CNTNAP5: variants seen among roughly 807,000 people sequenced by gnomAD.
CNTNAP5 encodes contactin-associated protein-like 5.
A neutral mutation model predicts 150.2 loss-of-function variants in CNTNAP5; 72 were observed. The observed-to-expected ratio is 0.48, with a 90% confidence interval of 0.40 to 0.58. The LOEUF (loss-of-function observed/expected upper bound fraction) is 0.58, where lower values mean the gene tolerates loss of function less well. Ranked by LOEUF, CNTNAP5 falls within the 20% of genes least tolerant of loss-of-function variation. CNTNAP5 has a pLI of 0.00. For synonymous variants in CNTNAP5, 672 were observed against 619.8 expected (o/e 1.08, Z -1.25); for missense variants, 1,636 against 1,626.2 (o/e 1.01, Z -0.10).
intron 16 of CNTNAP5, among the ~76,000 whole-genome samples, chr2:124,771,969 G>A (rs139403628): frequency 3.6e-5 from 5 of 138,518 alleles, no homozygotes; most frequent in East Asian, 2.2e-4. Flanking sequence ...CCATTGCCAC[G>A]ACCACCACCA....
At chr2:124,296,916 G>A (rs1688446409) in intron 3 of CNTNAP5, among the ~76,000 whole-genome samples, 1 of 152,170 alleles carries the variant, frequency 6.6e-6, no homozygotes. Context: ...CAGCCGTTCT[G>A]CAATCCTGTT....
Position 124,475,106 on chromosome 2 carries a change from A to AT in CNTNAP5, c.1062+236dup, listed in dbSNP as rs59623436. Among the ~76,000 whole-genome samples the AT allele has an allele frequency of 3.1e-3, 452 of 145,838 alleles. 4 individuals are homozygous for AT. Among genetic ancestry groups the AT allele is most frequent in the South Asian group, 7.6e-3 (35 of 4,620 alleles). ...GACATTAGGGCCATCCAGAGAATTC[A>AT]TTTTTTTTTTTTGACTGTGGGTCAT... On this transcript the variant is annotated intron_variant, in intron 7 of 23. Coordinates refer to ENST00000682447, the MANE Select transcript of CNTNAP5 (RefSeq NM_001367498.1).
At chr2:124,566,192 A>G (rs1318759066) in intron 11 of CNTNAP5, among the ~76,000 whole-genome samples, 1 of 152,188 alleles carries the variant, frequency 6.6e-6, no homozygotes, top group Non-Finnish European at 1.5e-5. Flanking sequence ...AAGAAGTCAG[A>G]GACAACTGAA....
At chr2:124,194,937 T>C (rs1487123503) in intron 1 of CNTNAP5, among the ~76,000 whole-genome samples, 2 of 151,870 alleles carry the variant, frequency 1.3e-5, no homozygotes, top group Non-Finnish European at 2.9e-5. Context: ...CAGTAAGTAA[T>C]TGCTGTTATA....
intron 1 of CNTNAP5, among the ~76,000 whole-genome samples, chr2:124,089,273 ATT>A (rs5834036): frequency 3.4e-5 from 5 of 147,436 alleles, no homozygotes; most frequent in Admixed American, 6.8e-5. Context: ...GACCCCACCT[ATT>A]TTTTTTTTTT....
intron 1 of CNTNAP5, among the ~76,000 whole-genome samples, chr2:124,098,453 G>A (rs558097798): frequency 1.3e-5 from 2 of 152,212 alleles, no homozygotes; most frequent in East Asian, 1.9e-4. Flanking sequence ...AGTGCGGGTG[G>A]AAGGATCAAC....
chr2:124,221,371 G>T (rs1271533153), intron 1 of CNTNAP5, among the ~76,000 whole-genome samples: 1 of 152,118 alleles, frequency 6.6e-6, no homozygotes, highest in Non-Finnish European at 1.5e-5. Flanking sequence ...GTTTGCTCAA[G>T]TGGCTTATTG....
At chr2:124,369,076 G>A (rs1490511700) in intron 3 of CNTNAP5, among the ~76,000 whole-genome samples, 1 of 152,274 alleles carries the variant, frequency 6.6e-6, no homozygotes, top group East Asian at 1.9e-4. Flanking sequence ...AGAGACAAGA[G>A]AAATGGGGTT....
chr2:124,389,942 G>A (rs1017452237), intron 3 of CNTNAP5, among the ~76,000 whole-genome samples: 4 of 151,636 alleles, frequency 2.6e-5, no homozygotes, highest in African/African-American at 9.7e-5. Context: ...ATCCAGCCTG[G>A]GCAACAGGAG....
chr2:124,109,708 C>T (rs1412189479), intron 1 of CNTNAP5, among the ~76,000 whole-genome samples: 1 of 150,886 alleles, frequency 6.6e-6, no homozygotes, highest in Non-Finnish European at 1.5e-5. Flanking sequence ...AGGGCTGACC[C>T]CCATGCACCT....
chr2:124,425,079 A>G (rs1431118639), intron 4 of CNTNAP5, among the ~76,000 whole-genome samples: 2 of 152,154 alleles, frequency 1.3e-5, no homozygotes, highest in African/African-American at 4.8e-5. Context: ...TTTCCACAAA[A>G]ATGCCAAGGC....
chr2:124,251,618 G>A lies in CNTNAP5; in HGVS notation c.381+9225G>A, dbSNP rs117649677. On this transcript the variant is annotated intron_variant, in intron 3 of 23. Transcript: ENST00000682447. ...CACATTCTGCAGGTACTAAATTAAG[G>A]AGGATTCAAGAGTAGAATGTGGAAA... Among the ~76,000 whole-genome samples the A allele has an allele frequency of 3.3e-3, 497 of 152,184 alleles. 7 individuals carry two copies. The highest frequency in any genetic ancestry group is 0.03 in the East Asian group (154 of 5,164).
intron 7 of CNTNAP5, among the ~76,000 whole-genome samples, chr2:124,503,034 G>T (rs558448862): frequency 6.6e-6 from 1 of 152,310 alleles, no homozygotes; most frequent in South Asian, 2.1e-4. Context: ...TGCCTAGCAC[G>T]GTGGGGATGA....
At chr2:124,609,445 T>C (rs2104983653) in intron 11 of CNTNAP5, among the ~76,000 whole-genome samples, 1 of 152,008 alleles carries the variant, frequency 6.6e-6, no homozygotes, top group East Asian at 1.9e-4. Flanking sequence ...TTTAAAAAAA[T>C]TAGTCAGGGT....
chr2:124,236,405 A>G (rs1435067413), intron 2 of CNTNAP5, among the ~76,000 whole-genome samples: 2 of 152,188 alleles, frequency 1.3e-5, no homozygotes, highest in Non-Finnish European at 2.9e-5. Flanking sequence ...GTTCTTGCCA[A>G]CAGCTTTCCT....
chr2:124,173,600 T>C (rs901156353), intron 1 of CNTNAP5, among the ~76,000 whole-genome samples: 4 of 152,214 alleles, frequency 2.6e-5, no homozygotes, highest in Non-Finnish European at 5.9e-5. Flanking sequence ...CATTCTGTAA[T>C]GGCTGAAAGA....
At chr2:124,088,179 T>G (rs1371591199) in intron 1 of CNTNAP5, among the ~76,000 whole-genome samples, 2 of 152,146 alleles carry the variant, frequency 1.3e-5, no homozygotes, top group African/African-American at 4.8e-5. Flanking sequence ...ATCTTCCAGT[T>G]TTCTGATTCT....
At chr2:124,600,731 C>CAGAGAGAGAGAGAGAGAGAG (rs374118230) in intron 11 of CNTNAP5, among the ~76,000 whole-genome samples, 16 of 124,052 alleles carry the variant, frequency 1.3e-4, no homozygotes, top group Non-Finnish European at 2.3e-4. Context: ...CAACAATACT[C>CAGAGAGAGAGAGAGAGAGAG]AGAGAGAGAG....
At chr2:124,769,655 A>G (rs1681147401) in intron 16 of CNTNAP5, among the ~76,000 whole-genome samples, 1 of 152,122 alleles carries the variant, frequency 6.6e-6, no homozygotes, top group Non-Finnish European at 1.5e-5. Context: ...TCATTCTCTC[A>G]CATTGTTTTC....
Sources: gnomAD v4.1 joint callset for allele counts (sites outside exome capture counted in the v4.1 genomes callset) on GRCh38, gnomAD v4.1.1 for gene constraint, MANE v1.5 for transcripts, NCBI Gene and HGNC (gene_info 2026-07-23, HGNC 2026-07-21) for gene names.